Variants in GALNTL6 observed in about 807,000 individuals in gnomAD.
GALNTL6 encodes polypeptide N-acetylgalactosaminyltransferase like 6, also known as polypeptide N-acetylgalactosaminyltransferase-like 6.
A neutral mutation model predicts 73.7 loss-of-function variants in GALNTL6; 46 were observed. That is an observed-to-expected ratio of 0.62 (90% CI 0.49 to 0.80). The LOEUF (loss-of-function observed/expected upper bound fraction) is 0.80, where lower values mean the gene tolerates loss of function less well. Ranked by LOEUF, GALNTL6 falls within the 30% of genes least tolerant of loss-of-function variation. GALNTL6 has a pLI of 0.00. For missense variants in GALNTL6, 604 were observed against 755.0 expected (o/e 0.80, Z 2.34); for synonymous variants, 259 against 263.7 (o/e 0.98, Z 0.17).
intron 3 of GALNTL6, among the ~76,000 whole-genome samples, chr4:172,277,247 T>C (rs946452843): frequency 1.3e-5 from 2 of 151,032 alleles, no homozygotes; most frequent in African/African-American, 4.9e-5. Context: ...TTCCTAAGGC[T>C]TGAAAATAAA....
rs190988477 is a variant in GALNTL6 at position 172,999,555 on chromosome 4, T to C, written c.1372-9623T>C. On this transcript the variant is annotated intron_variant, in intron 10 of 12. Transcript: ENST00000506823. ...ATATTAGTAGAATATTAGCAAAATA[T>C]TAGTAGAACAGTAGATAAGAGCATA... Among the ~76,000 whole-genome samples, 256 of 152,168 alleles carry C rather than the reference T, an allele frequency of 1.7e-3. 2 individuals carry two copies. The highest frequency in any genetic ancestry group is 6.8e-3 in the Middle Eastern group (2 of 292).
At chr4:171,899,631 C>G (rs1737022991) in intron 2 of GALNTL6, among the ~76,000 whole-genome samples, 1 of 152,128 alleles carries the variant, frequency 6.6e-6, no homozygotes, top group Admixed American at 6.5e-5. Context: ...ACAGTTAAAT[C>G]ACATATTTAT....
At chr4:172,853,802 T>C (rs1743969332) in intron 7 of GALNTL6, among the ~76,000 whole-genome samples, 1 of 152,252 alleles carries the variant, frequency 6.6e-6, no homozygotes, top group South Asian at 2.1e-4. Flanking sequence ...CTTTGCTTTA[T>C]GGAAACCTGC....
intron 5 of GALNTL6, among the ~76,000 whole-genome samples, chr4:172,483,199 T>G (rs957208703): frequency 1.3e-5 from 2 of 152,088 alleles, no homozygotes; most frequent in Non-Finnish European, 2.9e-5. Context: ...AAGTATATAA[T>G]TCCATAAACC....
chr4:172,389,322 A>G (rs1030753783), intron 5 of GALNTL6, among the ~76,000 whole-genome samples: 1 of 152,216 alleles, frequency 6.6e-6, no homozygotes, highest in African/African-American at 2.4e-5. Context: ...GATATAATTA[A>G]AGTAAGACTA....
chr4:172,897,921 A>G (rs1746414614), intron 8 of GALNTL6, among the ~76,000 whole-genome samples: 1 of 152,242 alleles, frequency 6.6e-6, no homozygotes, highest in African/African-American at 2.4e-5. Flanking sequence ...ATATGCAAAA[A>G]GAAATAATTC....
intron 12 of GALNTL6, among the ~76,000 whole-genome samples, chr4:173,023,708 A>G (rs1238803457): frequency 6.6e-6 from 1 of 152,048 alleles, no homozygotes; most frequent in Non-Finnish European, 1.5e-5. Flanking sequence ...CTACAAAACA[A>G]TCTAGAATGA....
At chr4:172,609,160 T>C (rs62328832) in intron 5 of GALNTL6, among the ~76,000 whole-genome samples, 79,471 of 151,910 alleles carry the variant, frequency 0.52, 21,621 homozygotes, top group East Asian at 0.77. Context: ...CGGGCTAGAA[T>C]TTCTAGTACT....
intron 3 of GALNTL6, among the ~76,000 whole-genome samples, chr4:172,248,481 A>G (rs566055803): frequency 6.6e-6 from 1 of 152,308 alleles, no homozygotes; most frequent in East Asian, 1.9e-4. Flanking sequence ...TGTCTAGAAC[A>G]GTCACCAGTA....
chr4:172,419,989 A>T (rs1293979780), intron 5 of GALNTL6, among the ~76,000 whole-genome samples: 1 of 152,204 alleles, frequency 6.6e-6, no homozygotes, highest in Non-Finnish European at 1.5e-5. Flanking sequence ...TTGTGTGAAA[A>T]AACAGAGGGA....
chr4:172,349,540 A>G (rs76692029), intron 5 of GALNTL6, among the ~76,000 whole-genome samples: 6 of 152,222 alleles, frequency 3.9e-5, no homozygotes, highest in Admixed American at 1.3e-4. Context: ...TGTCACAGAA[A>G]CATCTTTTTT....
At chr4:172,059,291 G>A (rs1731120520) in intron 2 of GALNTL6, among the ~76,000 whole-genome samples, 1 of 152,142 alleles carries the variant, frequency 6.6e-6, no homozygotes, top group African/African-American at 2.4e-5. Flanking sequence ...CTTGCTTCTG[G>A]GAGCAGAGAC....
At chr4:172,886,732 C>T (rs12642703) in intron 8 of GALNTL6, among the ~76,000 whole-genome samples, 20,702 of 151,650 alleles carry the variant, frequency 0.14, 3,058 homozygotes, top group African/African-American at 0.36. Context: ...CATTGCACTC[C>T]AGCCTGGGCA....
chr4:172,842,691 G>T (rs1370255003), intron 7 of GALNTL6, among the ~76,000 whole-genome samples: 1 of 151,504 alleles, frequency 6.6e-6, no homozygotes, highest in Non-Finnish European at 1.5e-5. Flanking sequence ...ATTCCTGTAG[G>T]TAACATAATG....
chr4:172,959,901 T>C (rs998730707), intron 10 of GALNTL6, among the ~76,000 whole-genome samples: 2 of 152,162 alleles, frequency 1.3e-5, no homozygotes, highest in African/African-American at 4.8e-5. Context: ...TGGAAGTTCT[T>C]GTGTGCTGGA....
chr4:172,675,534 G>C (rs1005737430), intron 5 of GALNTL6, among the ~76,000 whole-genome samples: 1 of 152,198 alleles, frequency 6.6e-6, no homozygotes, highest in Non-Finnish European at 1.5e-5. Flanking sequence ...GCTGGCACAG[G>C]TCTGGGTGCC....
Position 172,157,805 on chromosome 4 carries a change from C to T in GALNTL6, c.139-71851C>T, listed in dbSNP as rs1424742374. On this transcript the variant is annotated intron_variant, in intron 2 of 12. Transcript: ENST00000506823. Reference sequence around the variant, plus strand: ...TCTAGTTTCATTGTCCCAAAAGCATCTCACAAGATTTTAAATGTTTTTTAT... The same window carrying T: ...TCTAGTTTCATTGTCCCAAAAGCATTTCACAAGATTTTAAATGTTTTTTAT... Among the ~76,000 whole-genome samples, 3 of 138,548 alleles carry T rather than the reference C, an allele frequency of 2.2e-5. No homozygotes were observed. In the East Asian group the frequency reaches 5.8e-4, roughly 27 times the overall value. 90.9% of individuals were successfully genotyped at this position (138,548 alleles called of 152,430 possible). A position where few individuals can be genotyped will look rare whatever the true frequency, so the allele number is the denominator to read the frequency against.
intron 10 of GALNTL6, among the ~76,000 whole-genome samples, chr4:172,995,974 A>G (rs1751761006): frequency 6.6e-6 from 1 of 152,172 alleles, no homozygotes; most frequent in African/African-American, 2.4e-5. Flanking sequence ...TCTTTCCTTG[A>G]CTTTATGAAA....
chr4:172,911,519 G>C (rs1203221460), intron 8 of GALNTL6, among the ~76,000 whole-genome samples: 1 of 152,124 alleles, frequency 6.6e-6, no homozygotes, highest in Non-Finnish European at 1.5e-5. Context: ...AAAATATCTG[G>C]AATTGTTCCT....
Sources: gnomAD v4.1 joint callset for allele counts (sites outside exome capture counted in the v4.1 genomes callset) on GRCh38, gnomAD v4.1.1 for gene constraint, MANE v1.5 for transcripts, NCBI Gene and HGNC (gene_info 2026-07-23, HGNC 2026-07-21) for gene names.